ADAMTSL1: variants seen among roughly 807,000 people sequenced by gnomAD.
ADAMTSL1 encodes the protein ADAMTS-like protein 1.
Under a neutral mutation model 201.8 loss-of-function variants are expected in ADAMTSL1, and 126 were observed. The ratio of observed to expected loss-of-function variants is 0.62; its 90% confidence interval spans 0.54 to 0.72. The LOEUF is 0.72. ADAMTSL1 is among the 30% of genes least tolerant of loss of function. ADAMTSL1 has a pLI of 0.00. For missense variants in ADAMTSL1, 2,679 were observed against 2,277.8 expected (o/e 1.18, Z -3.59); for synonymous variants, 1,121 against 903.4 (o/e 1.24, Z -4.32).
At chr9:18,673,457 C>T (rs1829948951) in intron 9 of ADAMTSL1, among the ~76,000 whole-genome samples, 1 of 152,218 alleles carries the variant, frequency 6.6e-6, no homozygotes, top group Admixed American at 6.5e-5. Context: ...CACCATGACC[C>T]ATGTCATAGA....
At chr9:18,692,215 AG>A in intron 13 of ADAMTSL1, among the ~76,000 whole-genome samples, 1 of 152,352 alleles carries the variant, frequency 6.6e-6, no homozygotes, top group South Asian at 2.1e-4. Flanking sequence ...GAGATTTATG[AG>A]TAATTACAAA....
At chr9:18,829,754 G>A (rs980124787) in intron 22 of ADAMTSL1, 89 bp from the exon 23 acceptor site, 1 of 1,532,428 alleles carries the variant, frequency 6.5e-7, no homozygotes, top group Admixed American at 1.7e-5. Context: ...ACGCATACAT[G>A]TGCACACACA....
At chr9:18,744,550 T>C (rs1819022079) in intron 15 of ADAMTSL1, among the ~76,000 whole-genome samples, 1 of 152,240 alleles carries the variant, frequency 6.6e-6, no homozygotes, top group South Asian at 2.1e-4. Flanking sequence ...GTAATAAAAG[T>C]TCATATTGGC....
chr9:18,644,697 T>C (rs546975669), intron 7 of ADAMTSL1, among the ~76,000 whole-genome samples: 23 of 152,136 alleles, frequency 1.5e-4, no homozygotes, highest in African/African-American at 5.3e-4. Flanking sequence ...TTCATCCATG[T>C]CCCTACAAAG....
chr9:18,351,011 C>T (rs1260385807), intron 2 of ADAMTSL1, among the ~76,000 whole-genome samples: 1 of 152,056 alleles, frequency 6.6e-6, no homozygotes, highest in Non-Finnish European at 1.5e-5. Context: ...AAACGAATTG[C>T]ATCTCACATA....
At chr9:18,317,272 A>G (rs1834439668) in intron 2 of ADAMTSL1, among the ~76,000 whole-genome samples, 2 of 152,130 alleles carry the variant, frequency 1.3e-5, no homozygotes, top group Admixed American at 6.5e-5. Context: ...GTCAAAGGCT[A>G]CAACTCTCCG....
chr9:18,100,287 G>T (rs1248283048), intron 1 of ADAMTSL1, among the ~76,000 whole-genome samples: 1 of 152,062 alleles, frequency 6.6e-6, no homozygotes, highest in Admixed American at 6.6e-5. Context: ...TACCCAAACT[G>T]TTTTTGTTTT....
chr9:18,571,215 A>C (rs975665135), intron 3 of ADAMTSL1, among the ~76,000 whole-genome samples: 1 of 152,216 alleles, frequency 6.6e-6, no homozygotes, highest in African/African-American at 2.4e-5. Flanking sequence ...CACTTTTATC[A>C]GAATTGGAAA....
chr9:18,193,443 C>T (rs1829050124), intron 2 of ADAMTSL1, among the ~76,000 whole-genome samples: 1 of 152,060 alleles, frequency 6.6e-6, no homozygotes, highest in South Asian at 2.1e-4. Flanking sequence ...TGGAGCTGTT[C>T]AGAAAAGCTC....
intron 10 of ADAMTSL1, among the ~76,000 whole-genome samples, chr9:18,676,498 T>C (rs2487477): frequency 0.15 from 23,175 of 152,076 alleles, 1,875 homozygotes; most frequent in South Asian, 0.23. Context: ...TACAGTACTT[T>C]TGAAAACTAG....
At chr9:18,497,893 G>A (rs1051130766) in intron 1 of ADAMTSL1, among the ~76,000 whole-genome samples, 4 of 152,186 alleles carry the variant, frequency 2.6e-5, no homozygotes, top group African/African-American at 4.8e-5. Flanking sequence ...CCATAGTTCT[G>A]AAATGAAAAC....
chr9:18,592,516 CAGTT>C (rs1309304949), intron 4 of ADAMTSL1, among the ~76,000 whole-genome samples: 1 of 152,176 alleles, frequency 6.6e-6, no homozygotes, highest in Non-Finnish European at 1.5e-5. Flanking sequence ...TGATTGCTCT[CAGTT>C]GGTTGTTGTC....
rs1563980400 is a variant in ADAMTSL1 at position 18,068,063 on chromosome 9, T to TGAA, written c.88-95797_88-95795dup. ...GTTGTTAGTAATAATAATAGCCATC[T>TGAA]GAAGTGGTTTGGTCTGGTCCTGCCC... On this transcript the variant is annotated intron_variant, in intron 1 of 29. Transcript: ENST00000680146. Among the ~76,000 whole-genome samples, 6 of 152,316 alleles carry TGAA rather than the reference T, an allele frequency of 3.9e-5. No homozygotes were observed. The South Asian group carries it at 1.0e-3, about 26-fold the overall frequency.
At chr9:18,233,406 A>G (rs1830717857) in intron 2 of ADAMTSL1, among the ~76,000 whole-genome samples, 1 of 152,236 alleles carries the variant, frequency 6.6e-6, no homozygotes. Context: ...TATAAAGATA[A>G]GATCCTAAAA....
intron 2 of ADAMTSL1, among the ~76,000 whole-genome samples, chr9:18,272,380 G>A (rs1239811206): frequency 6.6e-6 from 1 of 152,164 alleles, no homozygotes; most frequent in Non-Finnish European, 1.5e-5. Context: ...TCAACAAATG[G>A]TGCTGGGAAA....
intron 5 of ADAMTSL1, among the ~76,000 whole-genome samples, chr9:18,631,531 A>G (rs756542301): frequency 5.3e-4 from 81 of 152,318 alleles, no homozygotes; most frequent in Non-Finnish European, 4.6e-4. Flanking sequence ...CTCCATAGGC[A>G]TAGAGGGAAG....
intron 1 of ADAMTSL1, among the ~76,000 whole-genome samples, chr9:18,076,353 G>A (rs1477480333): frequency 6.6e-6 from 1 of 152,138 alleles, no homozygotes; most frequent in Non-Finnish European, 1.5e-5. Context: ...CTCGTGAGGT[G>A]GACACAGGTA....
intron 7 of ADAMTSL1, among the ~76,000 whole-genome samples, chr9:18,648,746 C>T (rs1827991326): frequency 6.6e-6 from 1 of 151,994 alleles, no homozygotes. Context: ...AGAGTTTCTG[C>T]CGAGAGATCC....
chr9:18,907,001 G>C (rs762984573), intron 28 of ADAMTSL1, 89 bp downstream of exon 28: 2 of 1,459,076 alleles, frequency 1.4e-6, no homozygotes, highest in Admixed American at 1.9e-5. Context: ...CTGAGCATAG[G>C]GCATGGGGTC....
Sources: allele counts gnomAD v4.1 joint callset (sites outside exome capture counted in the v4.1 genomes callset), GRCh38; gene constraint gnomAD v4.1.1; transcripts MANE v1.5; gene names NCBI Gene and HGNC (gene_info 2026-07-23, HGNC 2026-07-21).